Variants in SLIT3 observed in about 807,000 individuals in gnomAD.
The protein encoded by SLIT3 is slit homolog 3 protein.
SLIT3 carries 68 observed loss-of-function variants against 184.0 expected under a neutral mutation model. The ratio of observed to expected loss-of-function variants is 0.37; its 90% CI spans 0.30 to 0.45. The LOEUF (loss-of-function observed/expected upper bound fraction) is 0.45, where lower values mean the gene tolerates loss of function less well. Among genes scored for constraint, SLIT3 ranks in the 20% least tolerant of loss-of-function variants. The pLI is 1.00. For synonymous variants in SLIT3, 831 were observed against 828.6 expected (o/e 1.00, Z -0.05); for missense variants, 1,707 against 2,026.0 (o/e 0.84, Z 3.02).
At chr5:168,789,934 G>A (rs1442969156) in intron 10 of SLIT3, 1 of 322,974 alleles carries the variant, frequency 3.1e-6, no homozygotes, top group African/African-American at 2.1e-5. Flanking sequence ...GGAAAATTGA[G>A]CCCAGTCAAA....
At chr5:169,193,632 GTCAA>G (rs1258659289) in intron 3 of SLIT3, 82 bp from the exon 4 acceptor site, 3 of 1,033,414 alleles carry the variant, frequency 2.9e-6, no homozygotes, top group African/African-American at 3.1e-5. Flanking sequence ...TAATCAATCA[GTCAA>G]TCAATCAATA....
At chr5:168,800,110 T>C (rs62378492) in intron 9 of SLIT3, among the ~76,000 whole-genome samples, 2,211 of 152,372 alleles carry the variant, frequency 0.015, 30 homozygotes, top group Non-Finnish European at 0.023. Flanking sequence ...TAAGTCATCC[T>C]GGGCTAGTTG....
intron 4 of SLIT3, among the ~76,000 whole-genome samples, chr5:169,110,049 T>A (rs1448618870): frequency 1.3e-5 from 2 of 152,210 alleles, no homozygotes; most frequent in South Asian, 4.1e-4. Context: ...AGATAGATCA[T>A]GTTGGCCAGG....
intron 6 of SLIT3, among the ~76,000 whole-genome samples, chr5:168,844,090 C>T: frequency 6.6e-6 from 1 of 151,500 alleles, no homozygotes; most frequent in East Asian, 2.0e-4. Context: ...CTTTCCCAGG[C>T]TGTGTGGCAT....
At chr5:168,784,881 A>ACACACACG (rs1314541167) in intron 12 of SLIT3, among the ~76,000 whole-genome samples, 1 of 151,964 alleles carries the variant, frequency 6.6e-6, no homozygotes, top group Non-Finnish European at 1.5e-5. Flanking sequence ...ACACACACAC[A>ACACACACG]CACACACGCA....
At chr5:169,200,805 T>C (rs1763885908) in intron 3 of SLIT3, among the ~76,000 whole-genome samples, 1 of 152,182 alleles carries the variant, frequency 6.6e-6, no homozygotes, top group African/African-American at 2.4e-5. Flanking sequence ...GCTTTTTTTT[T>C]CCTGCTATGC....
chr5:169,066,282 C>G (rs1758346501), intron 4 of SLIT3, among the ~76,000 whole-genome samples: 1 of 152,142 alleles, frequency 6.6e-6, no homozygotes, highest in Non-Finnish European at 1.5e-5. Flanking sequence ...GTAATACAGA[C>G]AGTAAGTGGG....
intron 1 of SLIT3, among the ~76,000 whole-genome samples, chr5:169,294,433 T>A (rs1399726248): frequency 2.0e-5 from 1 of 48,968 alleles, no homozygotes; most frequent in East Asian, 9.9e-4. Flanking sequence ...CAACCTGGGC[T>A]CTGCTGTGGG....
chr5:169,139,598 G>C (rs1761650976), intron 4 of SLIT3, among the ~76,000 whole-genome samples: 1 of 152,200 alleles, frequency 6.6e-6, no homozygotes, highest in Non-Finnish European at 1.5e-5. Context: ...CCCCCCAGGG[G>C]CTCCTAGTTG....
intron 4 of SLIT3, among the ~76,000 whole-genome samples, chr5:169,032,385 C>A (rs1341741145): frequency 2.6e-5 from 4 of 152,082 alleles, no homozygotes; most frequent in Admixed American, 2.6e-4. Context: ...ATGCTAGAAA[C>A]TTTACAATTG....
chr5:169,181,177 T>G (rs1763138453), intron 4 of SLIT3, among the ~76,000 whole-genome samples: 1 of 152,238 alleles, frequency 6.6e-6, no homozygotes, highest in South Asian at 2.1e-4. Context: ...TGAGCTAATT[T>G]AATAGTCAAT....
At chr5:168,679,981 C>T (rs1349769678) in intron 32 of SLIT3, among the ~76,000 whole-genome samples, 1 of 152,256 alleles carries the variant, frequency 6.6e-6, no homozygotes, top group Non-Finnish European at 1.5e-5. Flanking sequence ...TCAAAGAGCA[C>T]ACCCACGCGG....
chr5:169,058,687 T>C (rs893072398), intron 4 of SLIT3, among the ~76,000 whole-genome samples: 3 of 152,238 alleles, frequency 2.0e-5, no homozygotes, highest in Non-Finnish European at 4.4e-5. Context: ...GGGGACAGGA[T>C]GTGAAGCAGT....
At chr5:168,927,906 T>A (rs890949272) in intron 4 of SLIT3, among the ~76,000 whole-genome samples, 1 of 152,268 alleles carries the variant, frequency 6.6e-6, no homozygotes, top group African/African-American at 2.4e-5. Context: ...AAATGTCATT[T>A]CCTTTCTTCA....
chr5:168,953,662 TGCAGAGCCCAGTGCCTG>T (rs543361963), intron 4 of SLIT3, among the ~76,000 whole-genome samples: 2,578 of 152,272 alleles, frequency 0.017, 77 homozygotes, highest in African/African-American at 0.057. Context: ...TTACCACTGC[TGCAGAGCCCAGTGCCTG>T]GCAGAGCCCA....
intron 4 of SLIT3, among the ~76,000 whole-genome samples, chr5:168,969,982 C>T (rs1235248100): frequency 6.6e-6 from 1 of 151,990 alleles, no homozygotes; most frequent in African/African-American, 2.4e-5. Flanking sequence ...GAGATCGAGA[C>T]CATCTTGGCT....
intron 4 of SLIT3, among the ~76,000 whole-genome samples, chr5:168,903,600 AC>A (rs1439158025): frequency 6.6e-6 from 1 of 152,124 alleles, no homozygotes; most frequent in African/African-American, 2.4e-5. Flanking sequence ...GGAGTGAAGG[AC>A]GGGGGCAGCA....
At chr5:168,710,100 C>T (rs1242544117) in intron 25 of SLIT3, 3 of 152,036 alleles carry the variant, frequency 2.0e-5, no homozygotes, top group Non-Finnish European at 1.5e-5. Context: ...AATGGAAATA[C>T]TCGAAAGATT....
At chr5:168,884,602 T>C (rs1336186609) in intron 4 of SLIT3, among the ~76,000 whole-genome samples, 1 of 92,544 alleles carries the variant, frequency 1.1e-5, no homozygotes, top group Non-Finnish European at 2.1e-5. Flanking sequence ...CAATATGACC[T>C]CACAATATAC....
Sources: gnomAD v4.1 joint callset for allele counts (sites outside exome capture counted in the v4.1 genomes callset) on GRCh38, gnomAD v4.1.1 for gene constraint, MANE v1.5 for transcripts, NCBI Gene and HGNC (gene_info 2026-07-23, HGNC 2026-07-21) for gene names.